C14orf132: variants seen among roughly 807,000 people sequenced by gnomAD.
C14orf132 encodes chromosome 14 open reading frame 132.
C14orf132 carries 6 observed loss-of-function variants against 5.8 expected under a neutral mutation model. The ratio of observed to expected loss-of-function variants is 1.03; its 90% CI spans 0.57 to 2.04. C14orf132 has a LOEUF of 2.04. Among genes scored for constraint, C14orf132 ranks in the 30% most tolerant of loss-of-function variants. The pLI is 0.00. For missense variants in C14orf132, 125 were observed against 115.8 expected (o/e 1.08, Z -0.37); for synonymous variants, 51 against 49.8 (o/e 1.02, Z -0.10).
intron 1 of C14orf132, among the ~76,000 whole-genome samples, chr14:96,049,569 T>TACATATATATGTATATATAC (rs1595169186): frequency 7.8e-6 from 1 of 127,470 alleles, no homozygotes; most frequent in South Asian, 2.3e-4. Flanking sequence ...TACGTATATA[T>TACATATATATGTATATATAC]ACATATATAC....
At chr14:96,079,956 A>C (rs1011996005) in intron 1 of C14orf132, among the ~76,000 whole-genome samples, 1 of 152,236 alleles carries the variant, frequency 6.6e-6, no homozygotes, top group African/African-American at 2.4e-5. Context: ...ATTTAGGATA[A>C]GTATAGGCTG....
rs1409020261 is a variant in C14orf132, at chr14:96,086,756, C to T, written c.*21C>T. 2.0e-6 allele frequency: 3 copies of T among 1,532,598 alleles called. No individual in the cohort carries two copies. Among genetic ancestry groups the T allele is most frequent in the African/African-American group, 1.4e-5 (1 of 73,108 alleles). The allele number at this position is 1,532,598 out of a possible 1,614,324, so 94.9% of individuals were successfully genotyped here. A position where few individuals can be genotyped will look rare whatever the true frequency, so the allele number is the denominator to read the frequency against. ...TCTGAGGACGGCACACCCTGCACCA[C>T]CATGGGGTGAGGCTTGGCACGTAGC... On this transcript the variant is annotated 3_prime_UTR_variant, in exon 2 of 2. Coordinates refer to ENST00000555004, the MANE Select transcript of C14orf132 (RefSeq NM_001252507.3).
Position 96,039,667 on chromosome 14 carries a change from C to G in C14orf132, c.27+140C>G, listed in dbSNP as rs994526950. ...CCGGTCCTTTGTCCCGAGCCGGACA[C>G]CCCCACTTGGTGCACGCGTCGGGGG... On this transcript the variant is annotated intron_variant, in intron 1 of 1. Transcript: ENST00000555004. The surrounding 1 kb of genome is among the most constrained non-coding windows in gnomAD (Gnocchi z 5.3). 1.1e-6 allele frequency: 1 copy of G among 892,218 alleles called. No homozygotes were observed. The highest frequency in any genetic ancestry group is 1.5e-6 in the Non-Finnish European group (1 of 663,702). The allele number at this position is 892,218 out of a possible 1,614,324, so 55.3% of individuals were successfully genotyped here.
chr14:96,049,484 A>G (rs140604310), intron 1 of C14orf132, among the ~76,000 whole-genome samples: 56 of 146,704 alleles, frequency 3.8e-4, no homozygotes, highest in East Asian at 2.4e-3. Context: ...GTGTATATAT[A>G]TGCATATATA....
chr14:96,080,688 T>C (rs1157953512), intron 1 of C14orf132, among the ~76,000 whole-genome samples: 1 of 152,174 alleles, frequency 6.6e-6, no homozygotes, highest in Non-Finnish European at 1.5e-5. Flanking sequence ...TGGAGCAGCA[T>C]GGAGACTGTT....
intron 1 of C14orf132, among the ~76,000 whole-genome samples, chr14:96,071,421 T>C (rs925024587): frequency 9.9e-5 from 15 of 152,188 alleles, no homozygotes; most frequent in African/African-American, 3.6e-4. Context: ...CTGTTGCCCA[T>C]GTCTCCCTTC....
chr14:96,044,251 G>A (rs1383787201), intron 1 of C14orf132, among the ~76,000 whole-genome samples: 1 of 152,216 alleles, frequency 6.6e-6, no homozygotes, highest in African/African-American at 2.4e-5. Context: ...ATGGTTCACT[G>A]CAGCCTTAAT....
At chr14:96,070,050 C>A (rs28593491) in intron 1 of C14orf132, among the ~76,000 whole-genome samples, 21 of 152,172 alleles carry the variant, frequency 1.4e-4, no homozygotes, top group African/African-American at 4.8e-4. Context: ...GGAAGAGGGG[C>A]CGACTTTTGT....
At chr14:96,056,153 T>TC (rs1887177090) in intron 1 of C14orf132, among the ~76,000 whole-genome samples, 1 of 152,138 alleles carries the variant, frequency 6.6e-6, no homozygotes, top group Non-Finnish European at 1.5e-5. Context: ...TTCTAGCTGC[T>TC]CCCCAGAGGG....
intron 1 of C14orf132, among the ~76,000 whole-genome samples, chr14:96,070,253 C>T (rs11160307): frequency 0.47 from 71,625 of 152,004 alleles, 17,549 homozygotes; most frequent in East Asian, 0.61. Context: ...TAGAGTCCTA[C>T]GTTCTTTACC....
At chr14:96,049,957 A>G (rs904399993) in intron 1 of C14orf132, among the ~76,000 whole-genome samples, 1 of 152,060 alleles carries the variant, frequency 6.6e-6, no homozygotes, top group African/African-American at 2.4e-5. Context: ...ATATAAAAAC[A>G]TATCTCTTCC....
At chr14:96,078,646 G>C (rs1228165534) in intron 1 of C14orf132, among the ~76,000 whole-genome samples, 1 of 152,126 alleles carries the variant, frequency 6.6e-6, no homozygotes, top group African/African-American at 2.4e-5. Context: ...GTTGAGACAG[G>C]GAACAGATCC....
At chr14:96,080,162 A>G (rs1385924343) in intron 1 of C14orf132, among the ~76,000 whole-genome samples, 1 of 152,144 alleles carries the variant, frequency 6.6e-6, no homozygotes, top group Non-Finnish European at 1.5e-5. Flanking sequence ...CCTTCTTAGT[A>G]TTGGGCAGGG....
Position 96,090,802 on chromosome 14 carries a change from G to A in C14orf132, c.*4067G>A, listed in dbSNP as rs568023803. On this transcript the variant is annotated 3_prime_UTR_variant, in exon 2 of 2. Transcript: ENST00000555004. ...TGGAGGCTGGCCAGACCACTCTGGC[G>A]TCTCCTGAAGTGGGTCCCTGGAGAC... The A allele has an allele frequency of 7.2e-5, 33 of 455,964 alleles. 1 individual carries two copies. Among genetic ancestry groups the A allele is most frequent in the South Asian group, 4.6e-4 (30 of 64,564 alleles). 28.2% of individuals were successfully genotyped at this position (455,964 alleles called of 1,614,324 possible).
Position 96,090,411 on chromosome 14 carries a change from G to GAAA in C14orf132, c.*3685_*3687dup. The stretch of plus-strand genomic sequence containing the variant: ...GTCTCAAAAAAAAAAAAAAAGAAAA[G>GAAA]AAAAAAAAAAAGAGCAACTTACTGC... On this transcript the variant is annotated 3_prime_UTR_variant, in exon 2 of 2. Coordinates refer to ENST00000555004, the MANE Select transcript of C14orf132 (RefSeq NM_001252507.3). 8.3e-6 allele frequency: 2 copies of GAAA among 241,124 alleles called. No individual in the cohort carries two copies. Among genetic ancestry groups the GAAA allele is most frequent in the South Asian group, 4.4e-5 (1 of 22,774 alleles). The allele number at this position is 241,124 out of a possible 1,614,324, so 14.9% of individuals were successfully genotyped here.
At position 96,086,706 on chromosome 14, in the gene C14orf132, G is replaced by T; in HGVS notation, c.223G>T (p.Val75Leu). The T allele has an allele frequency of 6.5e-7, 1 of 1,536,174 alleles. No homozygotes were observed. Among genetic ancestry groups the T allele is most frequent in the Non-Finnish European group, 8.7e-7 (1 of 1,146,916 alleles). ...AGCTACGCTGGGGAACATCGTGGTG[G>T]TGGGCGTGGTGTATGCCTTCACCTT... ...IIATLGNIVVVGVVYAFTF is the reference protein window; with the variant it reads ...IIATLGNIVVLGVVYAFTF Residue 75 changes from valine to leucine, a missense_variant, in exon 2 of 2, where the codon GTG becomes TTG. Val to Leu is a conservative substitution (Grantham distance 32, BLOSUM62 1). Coordinates refer to ENST00000555004, the MANE Select transcript of C14orf132 (RefSeq NM_001252507.3).
chr14:96,052,239 G>A (rs1039675256), intron 1 of C14orf132, among the ~76,000 whole-genome samples: 18 of 152,232 alleles, frequency 1.2e-4, no homozygotes, highest in Admixed American at 7.2e-4. Context: ...CAGCCTGGCC[G>A]TCTCTGCAGC....
Position 96,086,498 on chromosome 14 carries a change from T to C in C14orf132, c.28-13T>C, listed in dbSNP as rs143608599. 1.0e-4 allele frequency: 161 copies of C among 1,535,704 alleles called. No individual in the cohort carries two copies. The highest frequency in any genetic ancestry group is 1.3e-4 in the Non-Finnish European group (152 of 1,146,668). On this transcript the variant is annotated splice_polypyrimidine_tract_variant and intron_variant, in intron 1 of 1. Transcript: ENST00000555004. ...CCATGGCCCTGGATAATTCTCTCTC[T>C]CCTTCTTTGCAGCTGCCCATGATGG...
At chr14:96,046,719 T>C (rs1886840174) in intron 1 of C14orf132, among the ~76,000 whole-genome samples, 1 of 152,212 alleles carries the variant, frequency 6.6e-6, no homozygotes, top group African/African-American at 2.4e-5. Context: ...ACTACATGTG[T>C]ATCTAATCAC....
Sources: gnomAD v4.1 joint callset for allele counts (sites outside exome capture counted in the v4.1 genomes callset) on GRCh38, gnomAD v4.1.1 for gene constraint, Gnocchi (gnomAD v3.1) non-coding constraint, MANE v1.5 for transcripts, NCBI Gene and HGNC (gene_info 2026-07-23, HGNC 2026-07-21) for gene names.